Variants in ZW10 observed in about 807,000 individuals in gnomAD.
The protein encoded by ZW10 is centromere/kinetochore protein zw10 homolog.
In ZW10, 53 loss-of-function variants were observed where a neutral mutation model predicts 87.8. That is an observed-to-expected ratio of 0.60 (90% CI 0.48 to 0.76). The LOEUF is 0.76. Ranked by LOEUF, ZW10 falls within the 30% of genes least tolerant of loss-of-function variation. ZW10 has a pLI of 0.00. For missense variants in ZW10, 837 were observed against 923.0 expected (o/e 0.91, Z 1.21); for synonymous variants, 312 against 329.2 (o/e 0.95, Z 0.57).
chr11:113,756,794 T>TAAGGA (rs1278919580), intron 7 of ZW10, among the ~76,000 whole-genome samples: 88 of 152,344 alleles, frequency 5.8e-4, no homozygotes, highest in African/African-American at 2.1e-3. Flanking sequence ...TGTTTACAAC[T>TAAGGA]TAATTTATAT....
chr11:113,760,710 A>AAAG, intron 3 of ZW10, 107 bp downstream of exon 3: 2 of 510,098 alleles, frequency 3.9e-6, no homozygotes, highest in Non-Finnish European at 6.2e-6. Context: ...AAAAAGAAAG[A>AAAG]AAAAAAAATA....
intron 8 of ZW10, among the ~76,000 whole-genome samples, 155 bp from the exon 9 acceptor site, chr11:113,747,868 C>A (rs1294734735): frequency 6.6e-6 from 1 of 152,056 alleles, no homozygotes; most frequent in African/African-American, 2.4e-5. Flanking sequence ...ATATTTCCAG[C>A]CTTAAATTCA....
chr11:113,743,776 AT>A (rs1361108553), intron 10 of ZW10, 25 bp downstream of exon 10: 1 of 1,583,832 alleles, frequency 6.3e-7, no homozygotes, highest in South Asian at 1.1e-5. Flanking sequence ...AGTCATTGCC[AT>A]TTTCACACAA....
intron 14 of ZW10, 28 bp downstream of exon 14, chr11:113,737,544 G>A: frequency 6.5e-7 from 1 of 1,528,960 alleles, no homozygotes; most frequent in Middle Eastern, 1.8e-4. Flanking sequence ...TGCATCTCAA[G>A]GCTAGTGTAG....
At position 113,743,823 on chromosome 11, in the gene ZW10, G is replaced by C. The variant is rs762665202; in HGVS notation, c.1490C>G (p.Ala497Gly). ...MELAYQTLLE[A>G]TTSSDQCAVQ... ...GTACCATTGATCACTACTGGTTGTT[G>C]CCTCTAGTAAAGTCTGATAGGCGAG... is the stretch of plus-strand genomic sequence containing the variant. Residue 497 changes from alanine to glycine, a missense_variant, in exon 10 of 16, where the codon GCA (alanine) becomes GGA (glycine). By Grantham distance (60) the Ala-to-Gly change is moderately conservative (BLOSUM62 0). Transcript: ENST00000200135. 1 of 1,613,800 alleles carries C rather than the reference G, an allele frequency of 6.2e-7. No individual in the cohort carries two copies. Among genetic ancestry groups the C allele is most frequent in the African/African-American group, 1.3e-5 (1 of 74,898 alleles).
chr11:113,758,138 A>T (rs1159937243), intron 6 of ZW10, among the ~76,000 whole-genome samples: 2 of 151,896 alleles, frequency 1.3e-5, no homozygotes. Context: ...ATGCCATTGC[A>T]CTCCAGCCTG....
At chr11:113,763,805 A>G (rs1178851158) in intron 2 of ZW10, among the ~76,000 whole-genome samples, 1 of 152,144 alleles carries the variant, frequency 6.6e-6, no homozygotes, top group African/African-American at 2.4e-5. Flanking sequence ...CCCATTCTGT[A>G]GATTGCCTGT....
chr11:113,746,275 G>T (rs1479279513), intron 9 of ZW10, among the ~76,000 whole-genome samples: 1 of 152,174 alleles, frequency 6.6e-6, no homozygotes, highest in African/African-American at 2.4e-5. Context: ...TCCTCTCACA[G>T]TACAGAAGAG....
chr11:113,745,301 T>TAA (rs752867760), intron 9 of ZW10, among the ~76,000 whole-genome samples: 45 of 140,634 alleles, frequency 3.2e-4, no homozygotes, highest in Admixed American at 1.0e-3. Flanking sequence ...CTTCAGGGAT[T>TAA]AAAAAAAAAA....
intron 5 of ZW10, among the ~76,000 whole-genome samples, 180 bp downstream of exon 5, chr11:113,760,029 C>A (rs1953840347): frequency 6.6e-6 from 1 of 152,150 alleles, no homozygotes; most frequent in Non-Finnish European, 1.5e-5. Flanking sequence ...AAGGTGAGGG[C>A]ACTTTAGGGA....
intron 3 of ZW10, 31 bp downstream of exon 3, chr11:113,760,786 A>C: frequency 6.3e-7 from 1 of 1,596,678 alleles, no homozygotes; most frequent in Non-Finnish European, 8.6e-7. Context: ...CCCACCACCA[A>C]AACACTAAGG....
At position 113,748,363 on chromosome 11, in the gene ZW10, T is replaced by C; in HGVS notation, c.983A>G (p.Glu328Gly). ...NEKTSTVPLA[E>G]MLGDMIWEDL... The stretch of plus-strand genomic sequence containing the variant: ...CTCCCAGATCATGTCTCCAAGCATC[T>C]CAGCCAATGGGACAGTAGATGTTTT... Residue 328 changes from glutamate to glycine, a missense_variant, in exon 8 of 16, where the codon GAG becomes GGG. Coordinates refer to ENST00000200135, the MANE Select transcript of ZW10 (RefSeq NM_004724.4). The C allele has an allele frequency of 6.2e-7, 1 of 1,613,630 alleles. No individual in the cohort carries two copies. Among genetic ancestry groups the C allele is most frequent in the Non-Finnish European group, 8.5e-7 (1 of 1,179,792 alleles).
intron 13 of ZW10, among the ~76,000 whole-genome samples, chr11:113,737,945 G>C (rs61903087): frequency 1.3e-5 from 2 of 152,140 alleles, no homozygotes; most frequent in African/African-American, 4.8e-5. Context: ...CTTAAGAAAG[G>C]GGAGCATTAA....
intron 2 of ZW10, among the ~76,000 whole-genome samples, chr11:113,767,415 T>A (rs1247974788): frequency 6.6e-6 from 1 of 152,068 alleles, no homozygotes; most frequent in Non-Finnish European, 1.5e-5. Flanking sequence ...TCCCCAGTTA[T>A]CCCTGACTCC....
chr11:113,739,358 C>T lies in ZW10; in HGVS notation c.1608G>A (p.Gln536=), dbSNP rs774852334. ...AGTTGTTGTGATGAATAGCAGCCAACTGGGGAAGTTTTTGAAGGTTCTCCC... is the reference window on the plus strand; with the variant it reads ...AGTTGTTGTGATGAATAGCAGCCAATTGGGGAAGTTTTTGAAGGTTCTCCC... The part of the protein sequence containing the change: ...YHKENLQKLP[Q]LAAIHHNNCM... Residue 536 remains glutamine (Q), a synonymous_variant, in exon 12 of 16, where the codon CAG becomes CAA. Coordinates refer to ENST00000200135, the MANE Select transcript of ZW10 (RefSeq NM_004724.4). 6.2e-7 allele frequency: 1 copy of T among 1,602,804 alleles called. No individual in the cohort carries two copies. The highest frequency in any genetic ancestry group is 8.5e-7 in the Non-Finnish European group (1 of 1,175,060).
At chr11:113,746,053 G>C (rs1405095315) in intron 9 of ZW10, among the ~76,000 whole-genome samples, 3 of 152,148 alleles carry the variant, frequency 2.0e-5, no homozygotes, top group African/African-American at 7.2e-5. Context: ...GGTGCTACTA[G>C]AATCTAGGGA....
intron 2 of ZW10, among the ~76,000 whole-genome samples, chr11:113,762,432 T>A (rs1405745862): frequency 3.3e-5 from 5 of 152,202 alleles, no homozygotes; most frequent in African/African-American, 4.8e-5. Flanking sequence ...CACTATACAT[T>A]TAGGTAACAC....
chr11:113,759,361 T>C (rs978279626), intron 5 of ZW10, among the ~76,000 whole-genome samples: 1 of 152,106 alleles, frequency 6.6e-6, no homozygotes, highest in African/African-American at 2.4e-5. Flanking sequence ...ATTTTCAGGA[T>C]AACTCCCTTC....
chr11:113,748,168 A>G, intron 8 of ZW10, 89 bp downstream of exon 8: 1 of 1,286,646 alleles, frequency 7.8e-7, no homozygotes, highest in Non-Finnish European at 1.0e-6. Context: ...AGGTATAACT[A>G]AAGAACAAAC....
Sources: gnomAD v4.1 joint callset for allele counts (sites outside exome capture counted in the v4.1 genomes callset) on GRCh38, gnomAD v4.1.1 for gene constraint, MANE v1.5 for transcripts, NCBI Gene and HGNC (gene_info 2026-07-23, HGNC 2026-07-21) for gene names.